The following IGF2BP2 variants were observed in gnomAD, a reference collection of about 807,000 sequenced individuals.
IGF2BP2 encodes insulin like growth factor 2 mRNA binding protein 2.
In IGF2BP2, 17 loss-of-function variants were observed where a neutral mutation model predicts 75.8. That is an observed-to-expected ratio of 0.22 (90% CI 0.15 to 0.34). The LOEUF (loss-of-function observed/expected upper bound fraction) is 0.34. Ranked by LOEUF, IGF2BP2 falls within the 10% of genes least tolerant of loss-of-function variation. The pLI is 1.00. For missense variants in IGF2BP2, 516 were observed against 772.4 expected, an observed-to-expected ratio of 0.67 and a Z score of 3.93; for synonymous variants, 288 against 295.6, an observed-to-expected ratio of 0.97 and a Z score of 0.26.
At chr3:185,693,227 G>A (rs1722182178) in intron 4 of IGF2BP2, 1 of 152,526 alleles carries the variant, frequency 6.6e-6, no homozygotes, top group Non-Finnish European at 1.5e-5. Context: ...TACTTCTTTA[G>A]GCTAAAATCA....
At chr3:185,677,064 T>TAGAGAGAG (rs1227931431) in intron 7 of IGF2BP2, among the ~76,000 whole-genome samples, 13 of 45,786 alleles carry the variant, frequency 2.8e-4, no homozygotes, top group African/African-American at 1.2e-3. Flanking sequence ...TATATATATA[T>TAGAGAGAG]ATATAGAGAG....
At chr3:185,691,619 T>C (rs538895114) in intron 5 of IGF2BP2, among the ~76,000 whole-genome samples, 2 of 152,224 alleles carry the variant, frequency 1.3e-5, no homozygotes, top group African/African-American at 4.8e-5. Flanking sequence ...CTTGTTTTTG[T>C]TGTTCTTTTA....
intron 15 of IGF2BP2, among the ~76,000 whole-genome samples, chr3:185,646,234 A>G (rs1384964806): frequency 1.3e-5 from 2 of 152,124 alleles, no homozygotes; most frequent in African/African-American, 4.8e-5. Context: ...TGACTGCAGA[A>G]GACTCAAGTG....
chr3:185,732,025 C>A (rs145934169), intron 2 of IGF2BP2, among the ~76,000 whole-genome samples: 1 of 152,094 alleles, frequency 6.6e-6, no homozygotes. Context: ...GTTTCCGGAG[C>A]ACGTTCAGCT....
intron 2 of IGF2BP2, among the ~76,000 whole-genome samples, chr3:185,744,865 A>G (rs1019881722): frequency 2.0e-5 from 3 of 152,212 alleles, no homozygotes; most frequent in Non-Finnish European, 4.4e-5. Flanking sequence ...TCTTAAACTC[A>G]GCATATCATG....
Position 185,683,495 on chromosome 3 carries a change from G to A in IGF2BP2, c.812+3562C>T, listed in dbSNP as rs190098808. On this transcript the variant is annotated intron_variant, in intron 7 of 15. Transcript: ENST00000382199. ...GCACTCTCGGCTCCCTGCAACCTCC[G>A]CCTCCTGGGTTCAAGCGGTTCTCAT... Among the ~76,000 whole-genome samples the A allele has an allele frequency of 2.3e-3, 355 of 151,774 alleles. 2 individuals are homozygous for A. Among genetic ancestry groups the A allele is most frequent in the African/African-American group, 8.4e-3 (346 of 41,374 alleles).
rs762122902 is a variant in IGF2BP2, at chr3:185,689,546, G to A, written c.486C>T (p.Ser162=). The A allele has an allele frequency of 1.2e-6, 2 of 1,614,252 alleles. No individual in the cohort carries two copies. Among genetic ancestry groups the A allele is most frequent in the East Asian group, 2.2e-5 (1 of 44,884 alleles). ...GCTGGGCTCGCTGAGGGGGCGAAGG[G>A]GAGCTCACCTCTTCATCCGGGATGT... ...ISYIPDEEVS[S]PSPPQRAQRG... is the part of the protein sequence containing the mutation. The change falls in exon 6 of 16, where the codon TCC becomes TCT. Residue 162 remains serine (S), a synonymous_variant. Coordinates refer to ENST00000382199, the MANE Select transcript of IGF2BP2 (RefSeq NM_006548.6).
chr3:185,691,996 A>G (rs922297717), intron 5 of IGF2BP2, among the ~76,000 whole-genome samples: 1 of 152,138 alleles, frequency 6.6e-6, no homozygotes, highest in African/African-American at 2.4e-5. Flanking sequence ...GCCTTGCCCA[A>G]AATGCTGGGA....
At chr3:185,700,973 A>C (rs1406799375) in intron 2 of IGF2BP2, among the ~76,000 whole-genome samples, 1 of 152,262 alleles carries the variant, frequency 6.6e-6, no homozygotes, top group East Asian at 1.9e-4. Context: ...GCTTTTAAAA[A>C]GCACAAAACC....
intron 4 of IGF2BP2, 144 bp from the exon 5 acceptor site, chr3:185,692,906 ATC>A: frequency 1.5e-6 from 1 of 666,022 alleles, no homozygotes; most frequent in Non-Finnish European, 2.7e-6. Context: ...ACGTTTATTC[ATC>A]TGAGTTCACA....
At chr3:185,796,223 C>T (rs925155484) in intron 2 of IGF2BP2, among the ~76,000 whole-genome samples, 1 of 152,082 alleles carries the variant, frequency 6.6e-6, no homozygotes, top group African/African-American at 2.4e-5. Flanking sequence ...CATATTAGAA[C>T]TTAACCATTT....
intron 2 of IGF2BP2, among the ~76,000 whole-genome samples, chr3:185,740,578 T>C (rs776032600): frequency 6.6e-6 from 1 of 152,222 alleles, no homozygotes; most frequent in Non-Finnish European, 1.5e-5. Context: ...TTAAAACTGA[T>C]TGAATACCTA....
rs151090861 is a variant in IGF2BP2, at chr3:185,794,117, C to T, written c.239+29036G>A. On this transcript the variant is annotated intron_variant, in intron 2 of 15. Transcript: ENST00000382199. ...AGACTACAGGTGCATGCCACCACAC[C>T]TGGCTAATTTTTTTTATATGTATAT... 2.3e-3 allele frequency among the ~76,000 whole-genome samples: 351 copies of T among 152,122 alleles called. 1 individual carries two copies. The highest frequency in any genetic ancestry group is 8.0e-3 in the African/African-American group (331 of 41,480).
At chr3:185,726,254 G>A (rs771425828) in intron 2 of IGF2BP2, among the ~76,000 whole-genome samples, 1 of 152,158 alleles carries the variant, frequency 6.6e-6, no homozygotes, top group Non-Finnish European at 1.5e-5. Flanking sequence ...AATGGACCCA[G>A]GGTCAGAGGA....
intron 2 of IGF2BP2, chr3:185,724,584 C>T (rs1727048695): frequency 6.6e-6 from 1 of 152,206 alleles, no homozygotes; most frequent in South Asian, 2.1e-4. Flanking sequence ...TTCATCTAAA[C>T]TCTCAGAATT....
chr3:185,704,954 TTGAAAA>T (rs1723809713), intron 2 of IGF2BP2, among the ~76,000 whole-genome samples: 3 of 152,238 alleles, frequency 2.0e-5, no homozygotes, highest in African/African-American at 7.2e-5. Flanking sequence ...AAATAAACTG[TTGAAAA>T]TGAACACAAT....
chr3:185,754,002 G>A (rs988425403), intron 2 of IGF2BP2, among the ~76,000 whole-genome samples: 4 of 151,742 alleles, frequency 2.6e-5, no homozygotes, highest in East Asian at 1.9e-4. Flanking sequence ...TCAGGAGTTC[G>A]AGACCACCCT....
intron 2 of IGF2BP2, among the ~76,000 whole-genome samples, chr3:185,796,093 CA>C (rs1338300372): frequency 6.6e-6 from 1 of 152,068 alleles, no homozygotes; most frequent in Non-Finnish European, 1.5e-5. Context: ...TTTCCACAGG[CA>C]GGGGAGAGTG....
intron 2 of IGF2BP2, among the ~76,000 whole-genome samples, chr3:185,793,491 C>CTGTG (rs147842660): frequency 6.6e-6 from 1 of 151,836 alleles, no homozygotes; most frequent in Admixed American, 6.6e-5. Context: ...ACCTGACAGT[C>CTGTG]TGTGTGTGTG....
Sources: gnomAD v4.1 joint callset for allele counts (sites outside exome capture counted in the v4.1 genomes callset) on GRCh38, gnomAD v4.1.1 for gene constraint, MANE v1.5 for transcripts, NCBI Gene and HGNC (gene_info 2026-07-23, HGNC 2026-07-21) for gene names.